KCNQ1: variants seen among roughly 807,000 people sequenced by gnomAD.
KCNQ1 encodes the protein potassium voltage-gated channel subfamily KQT member 1.
In KCNQ1, 49 loss-of-function variants were observed where a neutral mutation model predicts 72.4. The ratio of observed to expected loss-of-function variants is 0.68; its 90% CI spans 0.54 to 0.86. The LOEUF is 0.86. Ranked by LOEUF, KCNQ1 falls within the 40% of genes least tolerant of loss-of-function variation. The probability of loss-of-function intolerance (pLI) is 0.00; values close to 1 mark genes in which losing one functional copy is unlikely to be tolerated. For synonymous variants in KCNQ1, 450 were observed against 412.6 expected (o/e 1.09, Z -1.10); for missense variants, 790 against 945.1 (o/e 0.84, Z 2.15).
chr11:2,455,695 T>C (rs1201103076), intron 1 of KCNQ1, among the ~76,000 whole-genome samples: 1 of 152,170 alleles, frequency 6.6e-6, no homozygotes, highest in African/African-American at 2.4e-5. Context: ...CCACTTTTCA[T>C]AGAATTAGAA....
intron 2 of KCNQ1, among the ~76,000 whole-genome samples, chr11:2,569,527 G>C (rs1376424390): frequency 6.6e-6 from 1 of 152,242 alleles, no homozygotes; most frequent in East Asian, 1.9e-4. Flanking sequence ...CGGCTTCTGA[G>C]GGAGGACAGG....
In KCNQ1 at chr11:2,494,775, C is replaced by G. The variant is rs1470566513; in HGVS notation, c.387-33153C>G. On this transcript the variant is annotated intron_variant, in intron 1 of 15. Transcript: ENST00000155840. The surrounding 1 kb of genome is among the most constrained non-coding windows in gnomAD (Gnocchi z 4.6). ...TATTGAAGATTTTTGCATCGGTGCT[C>G]ATCAGGGATATTGGCCTGAAGTTTT... 6.6e-6 allele frequency among the ~76,000 whole-genome samples: 1 copy of G among 152,172 alleles called. No individual in the cohort carries two copies. Among genetic ancestry groups the G allele is most frequent in the African/African-American group, 2.4e-5 (1 of 41,440 alleles).
Position 2,468,455 on chromosome 11 carries a change from C to T in KCNQ1, c.386+22971C>T, listed in dbSNP as rs1376098508. ...CACTTTTTTTTTCTAAGTAGCTTTA[C>T]GGAGGCGTGCTTGGCATACGGTAAA... On this transcript the variant is annotated intron_variant, in intron 1 of 15. Transcript: ENST00000155840. This position sits in a 1 kb window ranked among gnomAD's most constrained non-coding sequence, Gnocchi z 5.7. 1.3e-5 allele frequency among the ~76,000 whole-genome samples: 2 copies of T among 152,062 alleles called. No homozygotes were observed. The highest frequency in any genetic ancestry group is 4.8e-5 in the African/African-American group (2 of 41,418).
Position 2,762,137 on chromosome 11 carries a change from G to A in KCNQ1, c.1515-6707G>A, listed in dbSNP as rs2133974790. Among the ~76,000 whole-genome samples, 1 of 152,358 alleles carries A rather than the reference G, an allele frequency of 6.6e-6. No individual in the cohort carries two copies. The highest frequency in any genetic ancestry group is 2.4e-5 in the African/African-American group (1 of 41,592). On this transcript the variant is annotated intron_variant, in intron 11 of 15. Coordinates refer to ENST00000155840, the MANE Select transcript of KCNQ1 (RefSeq NM_000218.3). The surrounding 1 kb of genome is among the most constrained non-coding windows in gnomAD (Gnocchi z 4.3). ...GTTTGGGGTGATGGAAAGAGGCCAGGACGTGAGGCCAGGGTAATAGTTCCT... is the reference window on the plus strand; with the variant it reads ...GTTTGGGGTGATGGAAAGAGGCCAGAACGTGAGGCCAGGGTAATAGTTCCT...
rs1847284319 is a variant in KCNQ1, at chr11:2,516,061, T to A, written c.387-11867T>A. On this transcript the variant is annotated intron_variant, in intron 1 of 15. Coordinates refer to ENST00000155840, the MANE Select transcript of KCNQ1 (RefSeq NM_000218.3). This position sits in a 1 kb window ranked among gnomAD's most constrained non-coding sequence, Gnocchi z 7.0. ...GCCCAGGCCAGGGCTCCTGCTGGAA[T>A]CTCCCTGTGGAAGGCCAGGCTGCCT... Among the ~76,000 whole-genome samples, 1 of 152,024 alleles carries A rather than the reference T, an allele frequency of 6.6e-6. No individual in the cohort carries two copies. The highest frequency in any genetic ancestry group is 1.5e-5 in the Non-Finnish European group (1 of 68,002).
intron 1 of KCNQ1, among the ~76,000 whole-genome samples, chr11:2,465,168 A>AT (rs1020876968): frequency 2.7e-5 from 4 of 150,354 alleles, no homozygotes; most frequent in African/African-American, 7.3e-5. Context: ...TTTATTTTTT[A>AT]TTTTTTTTTG....
intron 2 of KCNQ1, among the ~76,000 whole-genome samples, chr11:2,557,463 G>T (rs1016855683): frequency 2.6e-5 from 4 of 152,210 alleles, no homozygotes; most frequent in Non-Finnish European, 5.9e-5. Flanking sequence ...ACAGTAATTT[G>T]AAATAACTCC....
At chr11:2,726,682 A>C (rs1845771013) in intron 11 of KCNQ1, among the ~76,000 whole-genome samples, 1 of 152,156 alleles carries the variant, frequency 6.6e-6, no homozygotes, top group African/African-American at 2.4e-5. Context: ...TTCCCCCAAA[A>C]TTTTATTTTT....
At position 2,598,933 on chromosome 11, in the gene KCNQ1, G is replaced by C. The variant is rs1848766005; in HGVS notation, c.1393+10079G>C. Among the ~76,000 whole-genome samples the C allele has an allele frequency of 2.0e-5, 3 of 152,204 alleles. No homozygotes were observed. Among genetic ancestry groups the C allele is most frequent in the Admixed American group, 2.0e-4 (3 of 15,284 alleles). On this transcript the variant is annotated intron_variant, in intron 10 of 15. Transcript: ENST00000155840. This position sits in a 1 kb window ranked among gnomAD's most constrained non-coding sequence, Gnocchi z 6.2. The stretch of plus-strand genomic sequence containing the variant: ...GGACCCATATGCAGCAAACAGTCTT[G>C]TGTCTCTGTCTGCTGCCAAATTGGC...
At chr11:2,835,567 C>G (rs562318946) in intron 15 of KCNQ1, among the ~76,000 whole-genome samples, 1 of 152,196 alleles carries the variant, frequency 6.6e-6, no homozygotes, top group African/African-American at 2.4e-5. Flanking sequence ...GGCAGTGGTA[C>G]AGCAAGGGCA....
rs1269189750 is a variant in KCNQ1, at chr11:2,752,330, C to T, written c.1515-16514C>T. 6.6e-6 allele frequency among the ~76,000 whole-genome samples: 1 copy of T among 151,626 alleles called. No individual in the cohort carries two copies. Among genetic ancestry groups the T allele is most frequent in the African/African-American group, 2.4e-5 (1 of 41,144 alleles). ...TGATCTGAACCCAGTTGAGTGGCTT[C>T]CATGAAGCTGATCCGGACTAAGCTA... On this transcript the variant is annotated intron_variant, in intron 11 of 15. Transcript: ENST00000155840. This position sits in a 1 kb window ranked among gnomAD's most constrained non-coding sequence, Gnocchi z 5.2.
chr11:2,668,231 A>G lies in KCNQ1; in HGVS notation c.1514+6150A>G. 2.5e-6 allele frequency: 1 copy of G among 398,656 alleles called. No individual in the cohort carries two copies. Among genetic ancestry groups the G allele is most frequent in the Non-Finnish European group, 4.4e-6 (1 of 226,092 alleles). 24.7% of individuals were successfully genotyped at this position (398,656 alleles called of 1,614,324 possible). A position where few individuals can be genotyped will look rare whatever the true frequency, so the allele number is the denominator to read the frequency against. On this transcript the variant is annotated intron_variant, in intron 11 of 15. Transcript: ENST00000155840. This position sits in a 1 kb window ranked among gnomAD's most constrained non-coding sequence, Gnocchi z 4.3. ...TTCATCCATTCTACCACCTGTGGCC[A>G]GCAGGCAGTTTCTGGTGTAGGTTGC...
rs987546627 is a variant in KCNQ1 at position 2,663,815 on chromosome 11, T to C, written c.1514+1734T>C. ...AAATCACCACTATGGGGGTGAGGGC[T>C]GCCAGTGCTGGTATCAGCACATGCC... On this transcript the variant is annotated intron_variant, in intron 11 of 15. Coordinates refer to ENST00000155840, the MANE Select transcript of KCNQ1 (RefSeq NM_000218.3). The surrounding 1 kb of genome is among the most constrained non-coding windows in gnomAD (Gnocchi z 5.2). The C allele has an allele frequency of 2.5e-6, 1 of 398,686 alleles. No homozygotes were observed. The highest frequency in any genetic ancestry group is 1.3e-4 in the South Asian group (1 of 7,854). 24.7% of individuals were successfully genotyped at this position (398,686 alleles called of 1,614,324 possible). A position where few individuals can be genotyped will look rare whatever the true frequency, so the allele number is the denominator to read the frequency against.
rs973475030 is a variant in KCNQ1 at position 2,579,057 on chromosome 11, C to T, written c.922-4378C>T. 6.6e-6 allele frequency among the ~76,000 whole-genome samples: 1 copy of T among 152,216 alleles called. No homozygotes were observed. The highest frequency in any genetic ancestry group is 2.4e-5 in the African/African-American group (1 of 41,456). ...TCTGGACAGACGACCACCACATCTCCAGCCAGGACCACCCCTTCCTTCTGG... is the reference window on the plus strand; with the variant it reads ...TCTGGACAGACGACCACCACATCTCTAGCCAGGACCACCCCTTCCTTCTGG... On this transcript the variant is annotated intron_variant, in intron 6 of 15. Transcript: ENST00000155840. This position sits in a 1 kb window ranked among gnomAD's most constrained non-coding sequence, Gnocchi z 6.0.
chr11:2,719,927 G>T (rs1263080066), intron 11 of KCNQ1, among the ~76,000 whole-genome samples: 3 of 152,252 alleles, frequency 2.0e-5, no homozygotes, highest in South Asian at 2.1e-4. Flanking sequence ...CATCACAGAT[G>T]TATAGCTAGG....
In KCNQ1 at chr11:2,537,214, C is replaced by T. The variant is rs866822280; in HGVS notation, c.477+9196C>T. Among the ~76,000 whole-genome samples the T allele has an allele frequency of 5.9e-5, 9 of 151,966 alleles. No individual in the cohort carries two copies. The highest frequency in any genetic ancestry group is 1.9e-4 in the African/African-American group (8 of 41,268). On this transcript the variant is annotated intron_variant, in intron 2 of 15. Transcript: ENST00000155840. This position sits in a 1 kb window ranked among gnomAD's most constrained non-coding sequence, Gnocchi z 5.2. Reference sequence around the variant, plus strand: ...GTGTGTAAATAAAGCTTTATTAGCACACAGCACCACATACTTGAGGGCCTA... The same window carrying T: ...GTGTGTAAATAAAGCTTTATTAGCATACAGCACCACATACTTGAGGGCCTA...
chr11:2,665,352 G>A, intron 11 of KCNQ1: 1 of 398,164 alleles, frequency 2.5e-6, no homozygotes, highest in Non-Finnish European at 4.4e-6. Context: ...ATGGGCAGTT[G>A]GGGAGCACCC....
chr11:2,741,328 G>A (rs1846046034), intron 11 of KCNQ1, among the ~76,000 whole-genome samples: 1 of 152,214 alleles, frequency 6.6e-6, no homozygotes, highest in African/African-American at 2.4e-5. Context: ...TCTGACTGGC[G>A]CTTGCCGGGG....
In KCNQ1 at chr11:2,669,526, G is replaced by A. The variant is rs77407499; in HGVS notation, c.1514+7445G>A. ...TCAGCTAATGGTTTGATGTATGTTCGCTGAATCCAGGGACAAGGTCTGTCA... is the reference window on the plus strand; with the variant it reads ...TCAGCTAATGGTTTGATGTATGTTCACTGAATCCAGGGACAAGGTCTGTCA... On this transcript the variant is annotated intron_variant, in intron 11 of 15. Coordinates refer to ENST00000155840, the MANE Select transcript of KCNQ1 (RefSeq NM_000218.3). This position sits in a 1 kb window ranked among gnomAD's most constrained non-coding sequence, Gnocchi z 5.6. 5.8e-4 allele frequency: 233 copies of A among 398,588 alleles called. 2 individuals carry two copies. In the East Asian group the frequency reaches 8.0e-3, roughly 14 times the overall value. 24.7% of individuals were successfully genotyped at this position (398,588 alleles called of 1,614,324 possible).
Sources: allele counts gnomAD v4.1 joint callset (sites outside exome capture counted in the v4.1 genomes callset), GRCh38; gene constraint gnomAD v4.1.1; non-coding constraint Gnocchi (gnomAD v3.1); transcripts MANE v1.5; gene names NCBI Gene and HGNC (gene_info 2026-07-23, HGNC 2026-07-21).